Variants in PARD3 observed in about 807,000 individuals in gnomAD.
The protein encoded by PARD3 is par-3 family cell polarity regulator.
Under a neutral mutation model 155.4 loss-of-function variants are expected in PARD3, and 75 were observed. That is an observed-to-expected ratio of 0.48 (90% CI 0.40 to 0.58). The LOEUF (loss-of-function observed/expected upper bound fraction) is 0.58. Among genes scored for constraint, PARD3 ranks in the 20% least tolerant of loss-of-function variants. The probability of loss-of-function intolerance (pLI) is 0.00; values close to 1 mark genes in which losing one functional copy is unlikely to be tolerated. For missense variants in PARD3, 1,642 were observed against 1,721.7 expected, an observed-to-expected ratio of 0.95 and a Z score of 0.82; for synonymous variants, 576 against 610.5, an observed-to-expected ratio of 0.94 and a Z score of 0.83.
intron 1 of PARD3, among the ~76,000 whole-genome samples, chr10:34,719,833 T>C (rs1483539817): frequency 6.6e-6 from 1 of 152,214 alleles, no homozygotes. Context: ...CCTCCTCATA[T>C]GTGAAATATG....
chr10:34,136,498 CTT>C (rs772951616), intron 22 of PARD3, among the ~76,000 whole-genome samples: 1 of 152,010 alleles, frequency 6.6e-6, no homozygotes, highest in Non-Finnish European at 1.5e-5. Flanking sequence ...AGTAACCACT[CTT>C]TTTTTAAAGT....
chr10:34,367,077 A>G (rs1443105212), intron 12 of PARD3, among the ~76,000 whole-genome samples: 5 of 152,204 alleles, frequency 3.3e-5, no homozygotes, highest in Non-Finnish European at 7.3e-5. Context: ...TCTAATGTTA[A>G]CTCCCAAAAT....
chr10:34,439,186 G>A (rs1043800062), intron 5 of PARD3, among the ~76,000 whole-genome samples: 2 of 152,054 alleles, frequency 1.3e-5, no homozygotes, highest in African/African-American at 2.4e-5. Context: ...GGAAGGGCAG[G>A]GCTGTAAAAA....
At chr10:34,202,772 A>G (rs1415080901) in intron 22 of PARD3, among the ~76,000 whole-genome samples, 1 of 152,216 alleles carries the variant, frequency 6.6e-6, no homozygotes, top group Admixed American at 6.5e-5. Flanking sequence ...AAGGAAAAAG[A>G]AGGGTCTAAG....
chr10:34,671,517 T>A (rs2093609966), intron 2 of PARD3, among the ~76,000 whole-genome samples: 1 of 152,092 alleles, frequency 6.6e-6, no homozygotes. Flanking sequence ...AACTAAGAAA[T>A]CTTATATGCA....
At chr10:34,592,320 T>A (rs1015975872) in intron 2 of PARD3, among the ~76,000 whole-genome samples, 8 of 152,170 alleles carry the variant, frequency 5.3e-5, no homozygotes, top group Admixed American at 3.9e-4. Flanking sequence ...ACACTAATTT[T>A]TTTCCTCTGT....
At chr10:34,806,029 C>T (rs757951177) in intron 1 of PARD3, among the ~76,000 whole-genome samples, 23 of 151,206 alleles carry the variant, frequency 1.5e-4, no homozygotes, top group Admixed American at 1.5e-3. Flanking sequence ...ACACCCTAGA[C>T]AAATTTTTTT....
chr10:34,325,346 C>T (rs1055709580), intron 19 of PARD3, among the ~76,000 whole-genome samples: 1 of 152,122 alleles, frequency 6.6e-6, no homozygotes, highest in African/African-American at 2.4e-5. Flanking sequence ...TACACACCAA[C>T]CTAACAGAAC....
chr10:34,619,584 T>C (rs777963715), intron 2 of PARD3, among the ~76,000 whole-genome samples: 6 of 152,214 alleles, frequency 3.9e-5, no homozygotes, highest in Non-Finnish European at 8.8e-5. Flanking sequence ...CACCATGAGA[T>C]TGGAATACTC....
At position 34,790,234 on chromosome 10, in the gene PARD3, T is replaced by C. The variant is rs571114134; in HGVS notation, c.120+24642A>G. 2.0e-5 allele frequency among the ~76,000 whole-genome samples: 3 copies of C among 152,314 alleles called. No individual in the cohort carries two copies. The East Asian group carries it at 5.8e-4, about 29-fold the overall frequency. On this transcript the variant is annotated intron_variant, in intron 1 of 24. Coordinates refer to ENST00000374788, the MANE Select transcript of PARD3 (RefSeq NM_001184785.2). ...ATCCAATAAAACAAATTGTAGAGTGTATGTGTTTAAATAAAACACGCTCAC... is the reference window on the plus strand; with the variant it reads ...ATCCAATAAAACAAATTGTAGAGTGCATGTGTTTAAATAAAACACGCTCAC...
intron 22 of PARD3, among the ~76,000 whole-genome samples, chr10:34,198,460 G>A (rs983418509): frequency 7.4e-6 from 1 of 134,500 alleles, no homozygotes; most frequent in Non-Finnish European, 1.5e-5. Context: ...ATTGGTGTGT[G>A]TGTGTGTGTG....
At chr10:34,122,357 G>T (rs1175503324) in intron 23 of PARD3, among the ~76,000 whole-genome samples, 1 of 152,046 alleles carries the variant, frequency 6.6e-6, no homozygotes, top group Non-Finnish European at 1.5e-5. Context: ...AGAAGTTGAA[G>T]GACTTGTTTT....
intron 1 of PARD3, among the ~76,000 whole-genome samples, chr10:34,704,681 T>G (rs146653059): frequency 3.3e-5 from 5 of 152,324 alleles, no homozygotes; most frequent in Non-Finnish European, 5.9e-5. Flanking sequence ...CAAAGAAGGC[T>G]CTGCTCTTTT....
chr10:34,588,609 G>C (rs1017418980), intron 2 of PARD3, among the ~76,000 whole-genome samples: 17 of 152,230 alleles, frequency 1.1e-4, no homozygotes, highest in African/African-American at 2.4e-5. Flanking sequence ...AGCCATCAGG[G>C]AGTTGGGGTT....
chr10:34,653,002 G>A (rs541387942), intron 2 of PARD3, among the ~76,000 whole-genome samples: 1 of 152,248 alleles, frequency 6.6e-6, no homozygotes, highest in South Asian at 2.1e-4. Context: ...TAAAGGAAGG[G>A]AGGGGGCACA....
At position 34,607,692 on chromosome 10, in the gene PARD3, C is replaced by T. The variant is rs185081214; in HGVS notation, c.222+88626G>A. On this transcript the variant is annotated intron_variant, in intron 2 of 24. Transcript: ENST00000374788. ...TTCTGTTTGCATCATGGACACACTC[C>T]TGTGAGCTCAGTCTGCAGTCTGTGG... Among the ~76,000 whole-genome samples, 61 of 152,266 alleles carry T rather than the reference C, an allele frequency of 4.0e-4. No homozygotes were observed. The East Asian group carries it at 9.5e-3, about 24-fold the overall frequency.
chr10:34,156,923 T>C lies in PARD3; in HGVS notation c.3420-25340A>G, dbSNP rs999363647. The stretch of plus-strand genomic sequence containing the variant: ...GCTCATCCCACTCAATTTATTCCTG[T>C]TGGCATTCTTTCAGTGGAAAAAAGG... On this transcript the variant is annotated intron_variant, in intron 22 of 24. Transcript: ENST00000374788. 3.3e-5 allele frequency among the ~76,000 whole-genome samples: 5 copies of C among 152,202 alleles called. No individual in the cohort carries two copies. In the South Asian group the frequency reaches 1.0e-3, roughly 31 times the overall value.
chr10:34,316,017 G>A (rs577681825), intron 20 of PARD3, among the ~76,000 whole-genome samples: 1 of 152,124 alleles, frequency 6.6e-6, no homozygotes, highest in Admixed American at 6.5e-5. Context: ...GACTTTCCAG[G>A]TCTGACTTAT....
At chr10:34,638,879 C>T (rs917957842) in intron 2 of PARD3, among the ~76,000 whole-genome samples, 4 of 152,246 alleles carry the variant, frequency 2.6e-5, no homozygotes, top group South Asian at 2.1e-4. Flanking sequence ...TTACTATATA[C>T]GTATGATTTA....
Sources: allele counts gnomAD v4.1 joint callset (sites outside exome capture counted in the v4.1 genomes callset), GRCh38; gene constraint gnomAD v4.1.1; transcripts MANE v1.5; gene names NCBI Gene and HGNC (gene_info 2026-07-23, HGNC 2026-07-21).